The following TMEM126B variants were observed in gnomAD, a reference collection of about 807,000 sequenced individuals.
TMEM126B encodes the protein transmembrane protein 126B.
In TMEM126B, 19 loss-of-function variants were observed where a neutral mutation model predicts 16.5. The observed-to-expected ratio is 1.15, with a 90% confidence interval of 0.80 to 1.69. TMEM126B has a LOEUF of 1.69. TMEM126B is among the 40% of genes most tolerant of loss of function. TMEM126B has a pLI of 0.00. For missense variants in TMEM126B, 293 were observed against 278.7 expected, an observed-to-expected ratio of 1.05 and a Z score of -0.37; for synonymous variants, 104 against 93.2, an observed-to-expected ratio of 1.12 and a Z score of -0.67.
At chr11:85,635,594 C>G in intron 3 of TMEM126B, 73 bp from the exon 4 acceptor site, 1 of 985,276 alleles carries the variant, frequency 1.0e-6, no homozygotes, top group African/African-American at 1.7e-5. Context: ...CAGATAACTA[C>G]TCTGTGAGGT....
chr11:85,631,356 C>T (rs2082293408), intron 1 of TMEM126B: 3 of 1,179,416 alleles, frequency 2.5e-6, no homozygotes, highest in Non-Finnish European at 3.2e-6. Context: ...GCAAGCCAAC[C>T]TTTCAGACCT....
Position 85,629,151 on chromosome 11 carries a change from C to T in TMEM126B, c.81+463C>T, listed in dbSNP as rs144017309. 1.1e-4 allele frequency: 126 copies of T among 1,102,990 alleles called. 1 individual carries two copies. The East Asian group carries it at 7.0e-3, about 62-fold the overall frequency. The allele number at this position is 1,102,990 out of a possible 1,614,324, so 68.3% of individuals were successfully genotyped here. A position where few individuals can be genotyped will look rare whatever the true frequency, so the allele number is the denominator to read the frequency against. On this transcript the variant is annotated intron_variant, in intron 1 of 4. Coordinates refer to ENST00000358867, the MANE Select transcript of TMEM126B (RefSeq NM_018480.7). ...TGCCAGCTTTTTTGTTCTGAACTCC[C>T]ACTGCGTTGTGGATTCCTGAGGATG... is the stretch of plus-strand genomic sequence containing the variant.
intron 3 of TMEM126B, 65 bp from the exon 4 acceptor site, chr11:85,635,602 G>A: frequency 9.4e-7 from 1 of 1,061,228 alleles, no homozygotes; most frequent in Non-Finnish European, 1.4e-6. Flanking sequence ...TACTCTGTGA[G>A]GTACAACACT....
At chr11:85,629,398 T>TGG (rs2082205415) in intron 1 of TMEM126B, 1 of 486,288 alleles carries the variant, frequency 2.1e-6, no homozygotes, top group Non-Finnish European at 3.5e-6. Context: ...TGGTGACTAG[T>TGG]TGAGTGGCCT....
At position 85,631,793 on chromosome 11, in the gene TMEM126B, A is replaced by G. The variant is rs1256352112; in HGVS notation, c.188A>G (p.Tyr63Cys). 7 of 1,605,612 alleles carry G rather than the reference A, an allele frequency of 4.4e-6. No homozygotes were observed. The highest frequency in any genetic ancestry group is 1.1e-5 in the South Asian group (1 of 89,102). Reference sequence around the variant, plus strand: ...GAAATCATAGAAAAAAATTTTGACTATCTTAGAAAAGAAATGTAAGAGAAA... The same window carrying G: ...GAAATCATAGAAAAAAATTTTGACTGTCTTAGAAAAGAAATGTAAGAGAAA... ...VIEIIEKNFD[Y>C]LRKEMTQNIY... Residue 63 changes from tyrosine (Y) to cysteine (C), a missense_variant, in exon 2 of 5, where the codon TAT (tyrosine) becomes TGT (cysteine). Coordinates refer to ENST00000358867, the MANE Select transcript of TMEM126B (RefSeq NM_018480.7).
Position 85,632,489 on chromosome 11 carries a change from G to GA in TMEM126B, c.203+688dup, listed in dbSNP as rs529042097. ...TGACTTTTAAATGAACAAAGTTCAA[G>GA]AAAAAAATCAAAGGACAGTTGATGT... On this transcript the variant is annotated intron_variant, in intron 2 of 4. Coordinates refer to ENST00000358867, the MANE Select transcript of TMEM126B (RefSeq NM_018480.7). Among the ~76,000 whole-genome samples the GA allele has an allele frequency of 1.2e-4, 18 of 152,134 alleles. No homozygotes were observed. In the South Asian group the frequency reaches 2.5e-3, roughly 21 times the overall value.
chr11:85,634,428 C>A (rs2082361826), intron 3 of TMEM126B, 149 bp downstream of exon 3: 3 of 603,540 alleles, frequency 5.0e-6, no homozygotes, highest in Non-Finnish European at 8.3e-6. Flanking sequence ...ATATTTAATC[C>A]CTGCAACAAT....
chr11:85,635,918 G>GCTAA (rs1477341468), intron 4 of TMEM126B, 128 bp from the exon 5 acceptor site: 3 of 1,158,176 alleles, frequency 2.6e-6, no homozygotes, highest in Non-Finnish European at 2.4e-6. Flanking sequence ...ATTTCAGATA[G>GCTAA]CTAACTTTTA....
In TMEM126B at chr11:85,628,683, CCCAAG is replaced by C. The variant is rs1461031913; in HGVS notation, c.77_81del (p.Pro26ArgfsTer35). ...GGTGCCGGTGGGAACTGAGGAAGCG[CCCAAG>C]GTAGGCGGAAATCCGAAGTGGTATG... On this transcript the variant is annotated frameshift_variant and splice_region_variant, in exon 1 of 5. Coordinates refer to ENST00000358867, the MANE Select transcript of TMEM126B (RefSeq NM_018480.7). LOFTEE classifies it high-confidence loss of function. 1 of 1,536,126 alleles carries C rather than the reference CCCAAG, an allele frequency of 6.5e-7. No homozygotes were observed. The highest frequency in any genetic ancestry group is 8.7e-7 in the Non-Finnish European group (1 of 1,146,898).
chr11:85,636,237 A>G lies in TMEM126B; in HGVS notation c.*8A>G, dbSNP rs767254450. On this transcript the variant is annotated 3_prime_UTR_variant, in exon 5 of 5. Transcript: ENST00000358867. ...ACTATACATGAAGAGTAACCAAAAA[A>G]ATGAATGGTTGCTAACTTAGCAAAA... 1 of 1,468,964 alleles carries G rather than the reference A, an allele frequency of 6.8e-7. No individual in the cohort carries two copies. The highest frequency in any genetic ancestry group is 1.5e-5 in the South Asian group (1 of 66,602). 91.0% of individuals were successfully genotyped at this position (1,468,964 alleles called of 1,614,324 possible).
At chr11:85,634,391 C>A in intron 3 of TMEM126B, 112 bp downstream of exon 3, 3 of 786,462 alleles carry the variant, frequency 3.8e-6, no homozygotes, top group East Asian at 2.7e-5. Flanking sequence ...TATTGCTATA[C>A]AGTTTACAAA....
intron 1 of TMEM126B, chr11:85,629,014 A>C (rs931068794): frequency 2.1e-6 from 1 of 485,154 alleles, no homozygotes; most frequent in Admixed American, 2.4e-5. Flanking sequence ...TTATTGATTT[A>C]AATGTCACTT....
intron 1 of TMEM126B, chr11:85,629,011 T>G (rs959788739): frequency 4.1e-6 from 2 of 487,640 alleles, no homozygotes; most frequent in East Asian, 1.1e-4. Flanking sequence ...CGGTTATTGA[T>G]TTAAATGTCA....
At chr11:85,635,584 C>A in intron 3 of TMEM126B, 83 bp from the exon 4 acceptor site, 2 of 861,928 alleles carry the variant, frequency 2.3e-6, no homozygotes, top group Non-Finnish European at 3.7e-6. Context: ...GAGGATAGTG[C>A]AGATAACTAC....
At chr11:85,629,286 A>C (rs1171647657) in intron 1 of TMEM126B, 1 of 1,248,694 alleles carries the variant, frequency 8.0e-7, no homozygotes, top group Admixed American at 2.3e-5. Flanking sequence ...TTAGGTGAAA[A>C]ATTTATTATT....
chr11:85,629,068 C>T, intron 1 of TMEM126B: 2 of 530,738 alleles, frequency 3.8e-6, no homozygotes, highest in South Asian at 1.5e-5. Flanking sequence ...AGATTGTTTG[C>T]TTTTTCTTAG....
chr11:85,633,409 A>C (rs1347487498), intron 2 of TMEM126B, among the ~76,000 whole-genome samples: 2 of 152,276 alleles, frequency 1.3e-5, no homozygotes, highest in Non-Finnish European at 2.9e-5. Context: ...ACTAGTTTAC[A>C]GTCCCACCAA....
intron 1 of TMEM126B, among the ~76,000 whole-genome samples, chr11:85,630,622 T>TTTG (rs894380226): frequency 6.6e-6 from 1 of 152,176 alleles, no homozygotes; most frequent in Non-Finnish European, 1.5e-5. Flanking sequence ...GGTTTGTTTT[T>TTTG]TTGTTGTTGT....
At chr11:85,630,410 A>G (rs2082271739) in intron 1 of TMEM126B, among the ~76,000 whole-genome samples, 1 of 152,228 alleles carries the variant, frequency 6.6e-6, no homozygotes, top group Admixed American at 6.5e-5. Context: ...AAATTTGTAA[A>G]GAGACTATTT....
Sources: gnomAD v4.1 joint callset for allele counts (sites outside exome capture counted in the v4.1 genomes callset) on GRCh38, gnomAD v4.1.1 for gene constraint, MANE v1.5 for transcripts, NCBI Gene and HGNC (gene_info 2026-07-23, HGNC 2026-07-21) for gene names.